The following SNTG1 variants were observed in gnomAD, a reference collection of about 807,000 sequenced individuals.
SNTG1 encodes the protein gamma-1-syntrophin.
Under a neutral mutation model 74.7 loss-of-function variants are expected in SNTG1, and 39 were observed. The ratio of observed to expected loss-of-function variants is 0.52; its 90% CI spans 0.40 to 0.68. The LOEUF (loss-of-function observed/expected upper bound fraction) is 0.68, where lower values mean the gene tolerates loss of function less well. SNTG1 is among the 30% of genes least tolerant of loss of function. The pLI is 0.00. For missense variants in SNTG1, 685 were observed against 609.5 expected (o/e 1.12, Z -1.30); for synonymous variants, 254 against 217.1 (o/e 1.17, Z -1.49).
At chr8:50,287,001 A>AT (rs1327399350) in intron 2 of SNTG1, 1 of 151,992 alleles carries the variant, frequency 6.6e-6, no homozygotes, top group Non-Finnish European at 1.5e-5. Flanking sequence ...TCTAAAAATT[A>AT]TTTTTTCCTT....
intron 1 of SNTG1, among the ~76,000 whole-genome samples, chr8:50,170,707 C>T (rs1260080975): frequency 6.6e-6 from 1 of 152,180 alleles, no homozygotes; most frequent in Non-Finnish European, 1.5e-5. Flanking sequence ...ATTGTAGTGT[C>T]ATCCAGGCTG....
intron 2 of SNTG1, among the ~76,000 whole-genome samples, chr8:50,356,542 C>T (rs80228989): frequency 0.012 from 1,883 of 152,256 alleles, 48 homozygotes; most frequent in African/African-American, 0.044. Context: ...GTTCTGGAGT[C>T]TGGGAAGCCC....
intron 1 of SNTG1, among the ~76,000 whole-genome samples, chr8:49,912,452 T>G (rs957816898): frequency 1.4e-4 from 21 of 152,244 alleles, no homozygotes; most frequent in Admixed American, 8.5e-4. Flanking sequence ...TGGCCATTTT[T>G]CTTATTGCTT....
In SNTG1 at chr8:50,792,927, G is replaced by C. The variant is rs73677532; in HGVS notation, c.*98G>C. The stretch of plus-strand genomic sequence containing the variant: ...AGAGAAACCATAACATCACCAAGTC[G>C]ACAGTGGAGGCAAATCAAAATTTCG... On this transcript the variant is annotated 3_prime_UTR_variant, in exon 19 of 19. Transcript: ENST00000642720. The C allele has an allele frequency of 7.5e-6, 10 of 1,332,204 alleles. No individual in the cohort carries two copies. In the African/African-American group the frequency reaches 1.5e-4, roughly 20 times the overall value. 82.5% of individuals were successfully genotyped at this position (1,332,204 alleles called of 1,614,324 possible).
chr8:49,973,561 G>A (rs2129998637), intron 1 of SNTG1, among the ~76,000 whole-genome samples: 1 of 151,678 alleles, frequency 6.6e-6, no homozygotes, highest in Admixed American at 6.6e-5. Context: ...CAGATGAGAT[G>A]AAATTTACTG....
At chr8:50,628,313 T>C (rs999351221) in intron 13 of SNTG1, among the ~76,000 whole-genome samples, 4 of 152,194 alleles carry the variant, frequency 2.6e-5, no homozygotes, top group African/African-American at 9.6e-5. Flanking sequence ...GGAATTGATT[T>C]TTCCAATTTC....
chr8:50,717,843 C>T (rs953904185), intron 17 of SNTG1, among the ~76,000 whole-genome samples: 1 of 152,214 alleles, frequency 6.6e-6, no homozygotes, highest in Non-Finnish European at 1.5e-5. Flanking sequence ...CCCTCACACA[C>T]TGTGGGATAG....
At position 50,252,527 on chromosome 8, in the gene SNTG1, A is replaced by G. The variant is rs143194110; in HGVS notation, c.-28+79892A>G. ...AAATCAGAGATAAAATTGAAACATGATTATTAAGATCACAGATACAAAGGT... is the reference window on the plus strand; with the variant it reads ...AAATCAGAGATAAAATTGAAACATGGTTATTAAGATCACAGATACAAAGGT... On this transcript the variant is annotated intron_variant, in intron 2 of 18. Coordinates refer to ENST00000642720, the MANE Select transcript of SNTG1 (RefSeq NM_018967.5). 2.2e-3 allele frequency among the ~76,000 whole-genome samples: 334 copies of G among 152,326 alleles called. 2 individuals are homozygous for G. The highest frequency in any genetic ancestry group is 7.5e-3 in the African/African-American group (312 of 41,582).
intron 1 of SNTG1, among the ~76,000 whole-genome samples, chr8:50,143,454 T>C (rs1031789167): frequency 1.3e-5 from 2 of 152,200 alleles, no homozygotes; most frequent in African/African-American, 2.4e-5. Context: ...ATTTCCTAAC[T>C]AGGGTGACAA....
At chr8:50,082,974 T>G (rs1822547701) in intron 1 of SNTG1, among the ~76,000 whole-genome samples, 1 of 152,178 alleles carries the variant, frequency 6.6e-6, no homozygotes, top group South Asian at 2.1e-4. Context: ...CAATTGCCAC[T>G]GAGATTTCCA....
At chr8:50,685,612 C>A (rs2095349182) in intron 15 of SNTG1, among the ~76,000 whole-genome samples, 1 of 152,188 alleles carries the variant, frequency 6.6e-6, no homozygotes, top group African/African-American at 2.4e-5. Flanking sequence ...TCCATAAAAA[C>A]ATTTCATAAT....
At chr8:50,436,620 T>C (rs2093306298) in intron 4 of SNTG1, among the ~76,000 whole-genome samples, 2 of 152,178 alleles carry the variant, frequency 1.3e-5, no homozygotes, top group African/African-American at 4.8e-5. Context: ...GATGAAGTTG[T>C]ATGAAGCTGT....
intron 12 of SNTG1, among the ~76,000 whole-genome samples, chr8:50,575,145 T>C (rs2094570032): frequency 6.6e-6 from 1 of 152,218 alleles, no homozygotes; most frequent in Non-Finnish European, 1.5e-5. Flanking sequence ...GTCCTACAGC[T>C]ATGAAGGAGA....
chr8:50,032,950 A>T (rs1202808808), intron 1 of SNTG1, among the ~76,000 whole-genome samples: 1 of 152,058 alleles, frequency 6.6e-6, no homozygotes, highest in African/African-American at 2.4e-5. Flanking sequence ...ATTCTTCTTT[A>T]GATAACTACT....
At chr8:50,153,769 G>A (rs545079036) in intron 1 of SNTG1, among the ~76,000 whole-genome samples, 8 of 152,270 alleles carry the variant, frequency 5.3e-5, no homozygotes, top group Middle Eastern at 3.4e-3. Flanking sequence ...TGGAAGCTTC[G>A]TCTCAGATGG....
chr8:50,184,903 A>G (rs1036223144), intron 2 of SNTG1, among the ~76,000 whole-genome samples: 3 of 152,192 alleles, frequency 2.0e-5, no homozygotes, highest in Admixed American at 6.6e-5. Flanking sequence ...GTTATTTATT[A>G]CTGTGAAGAT....
intron 15 of SNTG1, among the ~76,000 whole-genome samples, chr8:50,678,806 T>A (rs1007703902): frequency 1.3e-5 from 2 of 152,124 alleles, no homozygotes; most frequent in Admixed American, 6.6e-5. Context: ...TGTAAAACTA[T>A]TGAGAAAATT....
At chr8:50,228,181 T>A (rs531467826) in intron 2 of SNTG1, among the ~76,000 whole-genome samples, 1 of 151,878 alleles carries the variant, frequency 6.6e-6, no homozygotes, top group African/African-American at 2.4e-5. Flanking sequence ...ATGAAGAATA[T>A]CTTTGCTGTT....
intron 18 of SNTG1, among the ~76,000 whole-genome samples, chr8:50,778,177 T>C (rs1323902206): frequency 2.0e-5 from 3 of 152,086 alleles, no homozygotes; most frequent in Non-Finnish European, 2.9e-5. Context: ...GTGCATGTAT[T>C]TTTATAGCAG....
Sources: gnomAD v4.1 joint callset for allele counts (sites outside exome capture counted in the v4.1 genomes callset) on GRCh38, gnomAD v4.1.1 for gene constraint, MANE v1.5 for transcripts, NCBI Gene and HGNC (gene_info 2026-07-23, HGNC 2026-07-21) for gene names.